The following ERC2 variants were observed in gnomAD, a reference collection of about 807,000 sequenced individuals.
The protein encoded by ERC2 is ERC protein 2.
In ERC2, 42 loss-of-function variants were observed where a neutral mutation model predicts 114.8. The observed-to-expected ratio is 0.37, with a 90% CI of 0.29 to 0.47. The LOEUF (loss-of-function observed/expected upper bound fraction) is 0.47. ERC2 is among the 20% of genes least tolerant of loss of function. The pLI is 0.99. For synonymous variants in ERC2, 454 were observed against 425.5 expected, an observed-to-expected ratio of 1.07 and a Z score of -0.82; for missense variants, 939 against 1,150.7, an observed-to-expected ratio of 0.82 and a Z score of 2.66.
chr3:55,774,827 T>C (rs889136227), intron 14 of ERC2, among the ~76,000 whole-genome samples: 7 of 152,220 alleles, frequency 4.6e-5, no homozygotes, highest in Admixed American at 6.5e-5. Flanking sequence ...ACCATTAATA[T>C]TACCTAATTA....
At chr3:56,141,677 CA>C (rs373901969) in intron 5 of ERC2, among the ~76,000 whole-genome samples, 1 of 152,136 alleles carries the variant, frequency 6.6e-6, no homozygotes, top group African/African-American at 2.4e-5. Flanking sequence ...CATTACCAAA[CA>C]TTTTTTTCTA....
intron 2 of ERC2, among the ~76,000 whole-genome samples, chr3:56,404,138 G>GT (rs1346323031): frequency 1.3e-5 from 2 of 152,172 alleles, no homozygotes; most frequent in Admixed American, 1.3e-4. Context: ...TATATTCCAT[G>GT]TAAATGACTG....
At chr3:56,069,191 T>C (rs1182250294) in intron 7 of ERC2, among the ~76,000 whole-genome samples, 1 of 152,212 alleles carries the variant, frequency 6.6e-6, no homozygotes, top group Non-Finnish European at 1.5e-5. Context: ...ATTTCTATGC[T>C]GAGCAGTCAA....
intron 3 of ERC2, among the ~76,000 whole-genome samples, chr3:56,271,030 C>G (rs763547417): frequency 1.3e-4 from 20 of 152,204 alleles, no homozygotes; most frequent in Non-Finnish European, 2.8e-4. Context: ...CTTGTACTTT[C>G]TTCACACATT....
intron 5 of ERC2, among the ~76,000 whole-genome samples, chr3:56,142,334 A>C (rs753976958): frequency 2.0e-5 from 3 of 151,826 alleles, no homozygotes; most frequent in Non-Finnish European, 4.4e-5. Flanking sequence ...AGCTTTAACC[A>C]CTCTTTTTCC....
chr3:56,405,887 C>CTTTTTTT lies in ERC2; in HGVS notation c.657+28457_657+28463dup, dbSNP rs72095902. 1.4e-4 allele frequency among the ~76,000 whole-genome samples: 12 copies of CTTTTTTT among 85,170 alleles called. 1 individual carries two copies. The highest frequency in any genetic ancestry group is 1.8e-4 in the Non-Finnish European group (8 of 45,660). The allele number at this position is 85,170 out of a possible 152,430, so 55.9% of individuals were successfully genotyped here. A position where few individuals can be genotyped will look rare whatever the true frequency, so the allele number is the denominator to read the frequency against. ...GGTCAAAGGATATGAACTTTTTTTTCTTTTTTTTTTTTTTTTTTTTTTTGA... is the reference window on the plus strand; with the variant it reads ...GGTCAAAGGATATGAACTTTTTTTTCTTTTTTTTTTTTTTTTTTTTTTTTTTTTTTGA... On this transcript the variant is annotated intron_variant, in intron 2 of 17. Transcript: ENST00000288221.
intron 3 of ERC2, among the ~76,000 whole-genome samples, chr3:56,271,301 A>G (rs553093145): frequency 3.9e-5 from 6 of 152,252 alleles, no homozygotes; most frequent in Non-Finnish European, 7.4e-5. Flanking sequence ...TGGTCATCCT[A>G]CAGGAGCAAT....
At chr3:56,417,862 A>G (rs997470274) in intron 2 of ERC2, among the ~76,000 whole-genome samples, 9 of 152,212 alleles carry the variant, frequency 5.9e-5, no homozygotes, top group African/African-American at 2.2e-4. Flanking sequence ...ATTACAATGT[A>G]AGCATCATGT....
At chr3:56,417,915 T>C (rs1015821378) in intron 2 of ERC2, among the ~76,000 whole-genome samples, 24 of 152,162 alleles carry the variant, frequency 1.6e-4, no homozygotes, top group African/African-American at 5.8e-4. Context: ...AGGAAACATC[T>C]GATAAGTGTT....
chr3:55,513,935 T>C (rs1425257663), intron 17 of ERC2, among the ~76,000 whole-genome samples: 1 of 152,132 alleles, frequency 6.6e-6, no homozygotes, highest in Non-Finnish European at 1.5e-5. Flanking sequence ...AAACCCAGCC[T>C]ACCAGTTTAG....
At chr3:56,257,821 A>G (rs896428531) in intron 3 of ERC2, among the ~76,000 whole-genome samples, 2 of 152,214 alleles carry the variant, frequency 1.3e-5, no homozygotes, top group Non-Finnish European at 2.9e-5. Context: ...CATGTTAGTA[A>G]TTACAGAGGT....
At chr3:55,897,405 T>C (rs1166049279) in intron 13 of ERC2, among the ~76,000 whole-genome samples, 1 of 152,246 alleles carries the variant, frequency 6.6e-6, no homozygotes, top group Non-Finnish European at 1.5e-5. Flanking sequence ...AAGCCATATT[T>C]CAAAAACAGA....
chr3:55,818,850 C>A (rs570554943), intron 14 of ERC2, among the ~76,000 whole-genome samples: 3 of 152,330 alleles, frequency 2.0e-5, no homozygotes, highest in Admixed American at 2.0e-4. Context: ...AGAAGGAATA[C>A]GTTTAATATT....
intron 6 of ERC2, among the ~76,000 whole-genome samples, chr3:56,119,618 T>C (rs960797185): frequency 6.6e-6 from 1 of 152,236 alleles, no homozygotes; most frequent in Non-Finnish European, 1.5e-5. Context: ...TATCTTTCTC[T>C]TCCAGAGATG....
intron 5 of ERC2, 96 bp from the exon 6 acceptor site, chr3:56,139,772 T>A: frequency 7.5e-7 from 1 of 1,334,604 alleles, no homozygotes; most frequent in East Asian, 2.5e-5. Flanking sequence ...CAGCAGCCAG[T>A]GATCAATAAT....
chr3:56,458,754 G>C (rs934922588), intron 1 of ERC2, among the ~76,000 whole-genome samples: 3 of 152,142 alleles, frequency 2.0e-5, no homozygotes, highest in African/African-American at 7.2e-5. Flanking sequence ...GAAGGGGGAG[G>C]AGGGAATGTT....
At chr3:56,165,851 A>G (rs2082297263) in intron 4 of ERC2, among the ~76,000 whole-genome samples, 1 of 151,350 alleles carries the variant, frequency 6.6e-6, no homozygotes, top group South Asian at 2.1e-4. Context: ...TTTTCTACAG[A>G]CTCGATTATG....
chr3:55,759,779 A>G (rs564864418), intron 14 of ERC2, among the ~76,000 whole-genome samples: 24 of 152,338 alleles, frequency 1.6e-4, no homozygotes, highest in Non-Finnish European at 2.6e-4. Flanking sequence ...TGAATGACTG[A>G]CACTTTCAAG....
chr3:56,215,016 C>A (rs1027078096), intron 3 of ERC2, among the ~76,000 whole-genome samples: 55 of 152,106 alleles, frequency 3.6e-4, no homozygotes, highest in African/African-American at 1.3e-3. Context: ...AAGGAACAAC[C>A]GGTACCAGCC....
Sources: gnomAD v4.1 joint callset for allele counts (sites outside exome capture counted in the v4.1 genomes callset) on GRCh38, gnomAD v4.1.1 for gene constraint, MANE v1.5 for transcripts, NCBI Gene and HGNC (gene_info 2026-07-23, HGNC 2026-07-21) for gene names.